MRTFA: variants seen among roughly 807,000 people sequenced by gnomAD.
MRTFA encodes the protein myocardin related transcription factor A, also known as myocardin-related transcription factor A.
MRTFA carries 20 observed loss-of-function variants against 83.5 expected under a neutral mutation model. The observed-to-expected ratio is 0.24, with a 90% CI of 0.17 to 0.35. The LOEUF (loss-of-function observed/expected upper bound fraction) is 0.35. Among genes scored for constraint, MRTFA ranks in the 10% least tolerant of loss-of-function variants. MRTFA has a pLI of 1.00. For synonymous variants in MRTFA, 659 were observed against 541.2 expected (o/e 1.22, Z -3.02); for missense variants, 1,200 against 1,224.7 (o/e 0.98, Z 0.30).
chr22:40,450,257 C>G (rs1602261312), intron 4 of MRTFA, among the ~76,000 whole-genome samples: 1 of 152,068 alleles, frequency 6.6e-6, no homozygotes, highest in East Asian at 1.9e-4. Flanking sequence ...ATATATGGCA[C>G]AAAAGAAATC....
At chr22:40,417,748 C>G in intron 12 of MRTFA, 1 of 481,224 alleles carries the variant, frequency 2.1e-6, no homozygotes, top group Non-Finnish European at 3.7e-6. Flanking sequence ...CTGGTCACCC[C>G]CTGAGATTTC....
intron 1 of MRTFA, among the ~76,000 whole-genome samples, chr22:40,621,243 C>A (rs1397964834): frequency 6.6e-6 from 1 of 151,282 alleles, no homozygotes; most frequent in Non-Finnish European, 1.5e-5. Context: ...ATTCTACATG[C>A]AGCAATCAGG....
At chr22:40,534,974 G>A (rs2147281705) in intron 3 of MRTFA, among the ~76,000 whole-genome samples, 1 of 152,306 alleles carries the variant, frequency 6.6e-6, no homozygotes, top group South Asian at 2.1e-4. Flanking sequence ...GAGAAGCAAT[G>A]CAAATTTGGG....
rs2053228276 is a variant in MRTFA, at chr22:40,439,242, C to A, written c.308-3688G>T. Among the ~76,000 whole-genome samples, 2 of 152,156 alleles carry A rather than the reference C, an allele frequency of 1.3e-5. 1 individual carries two copies. The highest frequency in any genetic ancestry group is 4.1e-4 in the South Asian group (2 of 4,834). ...GAGAGGCTGGGCATGGTGGCTCAAGCCTGTAATCCTAGCACTTTGGGAGGC... is the reference window on the plus strand; with the variant it reads ...GAGAGGCTGGGCATGGTGGCTCAAGACTGTAATCCTAGCACTTTGGGAGGC... On this transcript the variant is annotated intron_variant, in intron 4 of 14. Transcript: ENST00000355630.
intron 3 of MRTFA, among the ~76,000 whole-genome samples, chr22:40,476,901 T>A (rs1199178692): frequency 1.3e-5 from 2 of 152,202 alleles, no homozygotes; most frequent in Non-Finnish European, 2.9e-5. Context: ...AGGCCCAATG[T>A]ATTTTATAAT....
intron 2 of MRTFA, among the ~76,000 whole-genome samples, chr22:40,552,843 TG>T (rs1446676783): frequency 2.0e-5 from 3 of 152,040 alleles, no homozygotes; most frequent in Non-Finnish European, 4.4e-5. Flanking sequence ...ACTTTGAAAA[TG>T]GGTAACAGGC....
chr22:40,447,555 G>C (rs2053404748), intron 4 of MRTFA, among the ~76,000 whole-genome samples: 1 of 152,072 alleles, frequency 6.6e-6, no homozygotes, highest in South Asian at 2.1e-4. Context: ...GGGAGACAAA[G>C]CCACACAGGA....
At chr22:40,623,729 T>C (rs374563753) in intron 1 of MRTFA, among the ~76,000 whole-genome samples, 12 of 152,204 alleles carry the variant, frequency 7.9e-5, no homozygotes, top group African/African-American at 2.9e-4. Flanking sequence ...ACTATGAAAA[T>C]TAACATGTAT....
At position 40,418,422 on chromosome 22, in the gene MRTFA, G is replaced by A. The variant is rs761351267; in HGVS notation, c.2316C>T (p.Thr772=). 3 of 1,614,076 alleles carry A rather than the reference G, an allele frequency of 1.9e-6. No homozygotes were observed. The highest frequency in any genetic ancestry group is 2.7e-5 in the African/African-American group (2 of 75,052). The change falls in exon 12 of 15, where the codon ACC becomes ACT. Residue 772 remains threonine, a synonymous_variant. Coordinates refer to ENST00000355630, the MANE Select transcript of MRTFA (RefSeq NM_020831.6). ...GGCCAGGGCTGTCTGCATTCTTATT[G>A]GTCACGGTGAGGACAAGGTGGGTCC...
At chr22:40,533,837 C>T (rs567585488) in intron 3 of MRTFA, 3 of 385,432 alleles carry the variant, frequency 7.8e-6, no homozygotes, top group Non-Finnish European at 9.1e-6. Context: ...TGAATTACTG[C>T]CGACAGGAAA....
intron 2 of MRTFA, among the ~76,000 whole-genome samples, chr22:40,579,795 G>A (rs1284510969): frequency 6.6e-6 from 1 of 151,906 alleles, no homozygotes; most frequent in Non-Finnish European, 1.5e-5. Flanking sequence ...GGGAGGTGGA[G>A]GTTGCAGTGA....
intron 9 of MRTFA, among the ~76,000 whole-genome samples, chr22:40,421,570 A>G (rs930956347): frequency 6.6e-6 from 1 of 152,198 alleles, no homozygotes; most frequent in Non-Finnish European, 1.5e-5. Flanking sequence ...AACGGGCTCA[A>G]AGAAGTCACT....
chr22:40,470,090 G>A (rs901114827), intron 3 of MRTFA, among the ~76,000 whole-genome samples: 7 of 150,884 alleles, frequency 4.6e-5, no homozygotes, highest in African/African-American at 7.3e-5. Flanking sequence ...CAAGCATGGC[G>A]GCGGGTGCCT....
chr22:40,635,842 G>A (rs532726803), intron 1 of MRTFA, among the ~76,000 whole-genome samples: 2 of 152,302 alleles, frequency 1.3e-5, no homozygotes, highest in East Asian at 1.9e-4. Flanking sequence ...TACACAGCTA[G>A]CAAGTGGCAG....
chr22:40,594,123 T>C (rs973856440), intron 2 of MRTFA, among the ~76,000 whole-genome samples: 2 of 152,258 alleles, frequency 1.3e-5, no homozygotes, highest in African/African-American at 4.8e-5. Flanking sequence ...GAACAAAGCA[T>C]GTTGTGTCAA....
intron 2 of MRTFA, among the ~76,000 whole-genome samples, chr22:40,570,129 C>T (rs958667455): frequency 1.3e-5 from 2 of 152,060 alleles, no homozygotes; most frequent in Non-Finnish European, 2.9e-5. Flanking sequence ...ACTCCTTCTT[C>T]CCAGTAAAAG....
In MRTFA at chr22:40,418,842, C is replaced by T. The variant is rs199683643; in HGVS notation, c.1896G>A (p.Lys632=). 10 of 1,612,156 alleles carry T rather than the reference C, an allele frequency of 6.2e-6. No individual in the cohort carries two copies. The East Asian group carries it at 1.8e-4, about 29-fold the overall frequency. Residue 632 remains lysine, a synonymous_variant, in exon 12 of 15, where the codon AAG becomes AAA. Coordinates refer to ENST00000355630, the MANE Select transcript of MRTFA (RefSeq NM_020831.6). ...GCATGCGCGTCAGCGCCTCGATCTG[C>T]TTGTCTTTCTCCTGCAGCATCTGGT... is the stretch of plus-strand genomic sequence containing the variant.
chr22:40,629,001 G>A (rs1029342329), intron 1 of MRTFA, among the ~76,000 whole-genome samples: 4 of 152,056 alleles, frequency 2.6e-5, no homozygotes, highest in Non-Finnish European at 4.4e-5. Flanking sequence ...GTATTTTTAA[G>A]AATTTTGGCC....
chr22:40,631,947 T>C (rs116676024), intron 1 of MRTFA, among the ~76,000 whole-genome samples: 5,147 of 152,280 alleles, frequency 0.034, 304 homozygotes, highest in African/African-American at 0.12. Context: ...GCCTCCAAGA[T>C]GGCCCCCAAT....
Sources: gnomAD v4.1 joint callset for allele counts (sites outside exome capture counted in the v4.1 genomes callset) on GRCh38, gnomAD v4.1.1 for gene constraint, MANE v1.5 for transcripts, NCBI Gene and HGNC (gene_info 2026-07-23, HGNC 2026-07-21) for gene names.